The following CDH13 variants were observed in gnomAD, a reference collection of about 807,000 sequenced individuals.
CDH13 encodes cadherin-13.
In CDH13, 24 loss-of-function variants were observed where a neutral mutation model predicts 63.8. The observed-to-expected ratio is 0.38, with a 90% CI of 0.27 to 0.53. The LOEUF is 0.53. CDH13 is among the 20% of genes least tolerant of loss of function. The pLI is 0.85. For missense variants in CDH13, 1,049 were observed against 903.1 expected (o/e 1.16, Z -2.07); for synonymous variants, 503 against 355.3 (o/e 1.42, Z -4.67).
intron 3 of CDH13, among the ~76,000 whole-genome samples, chr16:83,121,556 T>G (rs2035577269): frequency 6.6e-6 from 1 of 152,230 alleles, no homozygotes; most frequent in African/African-American, 2.4e-5. Flanking sequence ...ATGATGATAG[T>G]GGTCGGAACA....
intron 1 of CDH13, among the ~76,000 whole-genome samples, chr16:82,634,232 G>A (rs941581961): frequency 2.6e-4 from 39 of 152,368 alleles, no homozygotes; most frequent in African/African-American, 9.4e-4. Context: ...AGGAAGGAAT[G>A]TGGCAGCTTC....
rs150477123 is a variant in CDH13, at chr16:82,822,316, C to T, written c.46-36046C>T. Reference sequence around the variant, plus strand: ...CTCTAAAAGGGAATGAGGAATAGGGCTATAGGCTATTTGGGATAATGTTCG... The same window carrying T: ...CTCTAAAAGGGAATGAGGAATAGGGTTATAGGCTATTTGGGATAATGTTCG... On this transcript the variant is annotated intron_variant, in intron 1 of 13. Transcript: ENST00000567109. 3.0e-3 allele frequency among the ~76,000 whole-genome samples: 454 copies of T among 152,158 alleles called. 4 individuals are homozygous for T. Among genetic ancestry groups the T allele is most frequent in the Non-Finnish European group, 3.9e-3 (267 of 68,006 alleles).
chr16:83,590,447 G>A (rs540946621), intron 7 of CDH13, among the ~76,000 whole-genome samples: 58 of 152,258 alleles, frequency 3.8e-4, no homozygotes, highest in African/African-American at 8.2e-4. Context: ...TGATCCCTCC[G>A]GGAAGAACGG....
chr16:83,125,121 T>A (rs1379958341), intron 3 of CDH13, among the ~76,000 whole-genome samples: 1 of 152,204 alleles, frequency 6.6e-6, no homozygotes, highest in South Asian at 2.1e-4. Flanking sequence ...CAATGAGGGA[T>A]GAGTAAATCA....
intron 4 of CDH13, among the ~76,000 whole-genome samples, chr16:83,210,885 C>T (rs1388485023): frequency 1.3e-5 from 2 of 151,038 alleles, no homozygotes; most frequent in African/African-American, 2.4e-5. Flanking sequence ...CGTGGTGGCT[C>T]ATGCTTCTAA....
At chr16:83,677,225 G>C (rs1269462840) in intron 9 of CDH13, among the ~76,000 whole-genome samples, 2 of 152,078 alleles carry the variant, frequency 1.3e-5, no homozygotes, top group African/African-American at 2.4e-5. Context: ...ACACTCAATT[G>C]GCAGCGCCAT....
chr16:83,725,520 G>C (rs1243382755), intron 10 of CDH13: 1 of 152,428 alleles, frequency 6.6e-6, no homozygotes, highest in Non-Finnish European at 1.5e-5. Flanking sequence ...CAAGCGGTAT[G>C]ATGTGTCCTG....
chr16:83,421,851 T>A (rs955408563), intron 6 of CDH13, among the ~76,000 whole-genome samples: 2 of 152,342 alleles, frequency 1.3e-5, no homozygotes, highest in Admixed American at 1.3e-4. Context: ...TTAGTTCTTT[T>A]GAATAAGCTG....
At chr16:83,511,572 A>G (rs1196555182) in intron 7 of CDH13, among the ~76,000 whole-genome samples, 1 of 152,218 alleles carries the variant, frequency 6.6e-6, no homozygotes, top group Non-Finnish European at 1.5e-5. Context: ...TTATAATCTC[A>G]GAGTGAACAA....
intron 2 of CDH13, among the ~76,000 whole-genome samples, chr16:82,859,974 T>A (rs1180758781): frequency 6.6e-6 from 1 of 152,242 alleles, no homozygotes; most frequent in African/African-American, 2.4e-5. Flanking sequence ...TCCTGCTCAT[T>A]TGATCTCTGA....
intron 7 of CDH13, among the ~76,000 whole-genome samples, chr16:83,500,780 A>G (rs187345082): frequency 8.4e-4 from 127 of 151,342 alleles, no homozygotes; most frequent in Middle Eastern, 3.4e-3. Flanking sequence ...GGGTTTCACC[A>G]TGTTGGCCAG....
At chr16:83,590,628 AC>A (rs948825036) in intron 7 of CDH13, among the ~76,000 whole-genome samples, 6 of 152,162 alleles carry the variant, frequency 3.9e-5, no homozygotes, top group African/African-American at 1.4e-4. Flanking sequence ...TTCAAAGAGA[AC>A]TTTTGGAAAA....
intron 10 of CDH13, among the ~76,000 whole-genome samples, chr16:83,696,863 C>G (rs1567523495): frequency 6.6e-6 from 1 of 152,158 alleles, no homozygotes. Flanking sequence ...CAGATCCCGT[C>G]TCTCCCCTGA....
chr16:83,024,679 GT>G (rs1465004998), intron 2 of CDH13, among the ~76,000 whole-genome samples: 2 of 152,218 alleles, frequency 1.3e-5, no homozygotes, highest in African/African-American at 4.8e-5. Context: ...AATCATTAGT[GT>G]AAAGCTCACA....
chr16:83,216,412 A>ATATATATATG (rs2039518454), intron 4 of CDH13, among the ~76,000 whole-genome samples: 1 of 83,200 alleles, frequency 1.2e-5, no homozygotes, highest in Non-Finnish European at 2.4e-5. Context: ...ATATATATAT[A>ATATATATATG]TATATATATA....
intron 3 of CDH13, among the ~76,000 whole-genome samples, chr16:83,125,090 T>A (rs2035750555): frequency 6.6e-6 from 1 of 152,238 alleles, no homozygotes; most frequent in Admixed American, 6.5e-5. Flanking sequence ...GCTTGGCAGA[T>A]TAAGAACAGC....
intron 2 of CDH13, among the ~76,000 whole-genome samples, chr16:82,875,141 G>T (rs1045957332): frequency 2.0e-5 from 3 of 152,196 alleles, no homozygotes; most frequent in African/African-American, 7.2e-5. Context: ...TGAGGCCAAA[G>T]CTGAAAGTGT....
intron 4 of CDH13, among the ~76,000 whole-genome samples, chr16:83,147,705 C>G (rs563187498): frequency 6.6e-6 from 1 of 152,062 alleles, no homozygotes; most frequent in African/African-American, 2.4e-5. Context: ...ACCCCACTTG[C>G]GTTCCACCCC....
At chr16:83,759,084 G>T (rs1255996887) in intron 11 of CDH13, among the ~76,000 whole-genome samples, 1 of 152,188 alleles carries the variant, frequency 6.6e-6, no homozygotes, top group Non-Finnish European at 1.5e-5. Context: ...GTGAAAAATG[G>T]CCAAGGCAAT....
Sources: gnomAD v4.1 joint callset for allele counts (sites outside exome capture counted in the v4.1 genomes callset) on GRCh38, gnomAD v4.1.1 for gene constraint, MANE v1.5 for transcripts, NCBI Gene and HGNC (gene_info 2026-07-23, HGNC 2026-07-21) for gene names.